Variants in FHIT observed in about 807,000 individuals in gnomAD.
The protein encoded by FHIT is bis(5'-adenosyl)-triphosphatase.
In FHIT, 19 loss-of-function variants were observed where a neutral mutation model predicts 17.9. The observed-to-expected ratio is 1.06, with a 90% CI of 0.74 to 1.56. FHIT has a LOEUF of 1.56. FHIT is among the 40% of genes most tolerant of loss of function. The pLI is 0.00. For synonymous variants in FHIT, 81 were observed against 69.7 expected (o/e 1.16, Z -0.81); for missense variants, 248 against 189.2 (o/e 1.31, Z -1.82).
rs571137576 is a variant in FHIT at position 60,713,325 on chromosome 3, G to A, written c.-18+108594C>T. ...CACTAAATGCCCACAAGAGAAAGCA[G>A]GAAAGATCCAAAATTGACACCCTAA... On this transcript the variant is annotated intron_variant, in intron 4 of 9. Transcript: ENST00000492590. Among the ~76,000 whole-genome samples, 136 of 150,568 alleles carry A rather than the reference G, an allele frequency of 9.0e-4. 1 individual carries two copies. In the Middle Eastern group the frequency reaches 0.014, roughly 15 times the overall value.
intron 5 of FHIT, among the ~76,000 whole-genome samples, chr3:60,303,105 C>A (rs1379639571): frequency 6.6e-6 from 1 of 152,242 alleles, no homozygotes; most frequent in East Asian, 1.9e-4. Context: ...AGACTGACAA[C>A]TGCCAAACCT....
intron 5 of FHIT, among the ~76,000 whole-genome samples, chr3:60,099,949 G>A (rs1233016610): frequency 6.6e-6 from 1 of 152,152 alleles, no homozygotes; most frequent in East Asian, 1.9e-4. Flanking sequence ...CAGTAGAAGT[G>A]CTCCGTAAAT....
chr3:59,978,132 AGC>A (rs1350463486), intron 7 of FHIT, among the ~76,000 whole-genome samples: 1 of 152,122 alleles, frequency 6.6e-6, no homozygotes, highest in East Asian at 1.9e-4. Context: ...TAAAGAAATT[AGC>A]AATAATACTT....
intron 3 of FHIT, among the ~76,000 whole-genome samples, chr3:60,841,157 C>A (rs1298687165): frequency 1.3e-5 from 2 of 152,126 alleles, no homozygotes; most frequent in Admixed American, 6.5e-5. Context: ...CAACAGATTT[C>A]TGAATATTTA....
chr3:60,341,125 T>C (rs1710497355), intron 5 of FHIT, among the ~76,000 whole-genome samples: 1 of 152,138 alleles, frequency 6.6e-6, no homozygotes, highest in African/African-American at 2.4e-5. Context: ...TATTCACGGA[T>C]TTTGTTATAC....
intron 5 of FHIT, among the ~76,000 whole-genome samples, chr3:60,351,316 T>C (rs769294700): frequency 3.9e-5 from 6 of 152,166 alleles, no homozygotes; most frequent in South Asian, 2.1e-4. Flanking sequence ...AAGCAATACA[T>C]TGAATTACAC....
intron 5 of FHIT, among the ~76,000 whole-genome samples, chr3:60,206,595 C>T (rs17062460): frequency 0.024 from 3,633 of 152,204 alleles, 148 homozygotes; most frequent in African/African-American, 0.084. Context: ...AGGGCTGCAC[C>T]AAAACGAATT....
chr3:60,087,841 T>C lies in FHIT; in HGVS notation c.104-73689A>G, dbSNP rs144831779. On this transcript the variant is annotated intron_variant, in intron 5 of 9. Transcript: ENST00000492590. ...CACTTTCCCTTGTCTTTTTTTCTTC[T>C]TCTGAGACCTCCAAACTCTTCCGAC... is the stretch of plus-strand genomic sequence containing the variant. Among the ~76,000 whole-genome samples, 290 of 152,320 alleles carry C rather than the reference T, an allele frequency of 1.9e-3. 5 individuals are homozygous for C. The East Asian group carries it at 0.04, about 21-fold the overall frequency.
chr3:60,025,453 T>A (rs1355508244), intron 5 of FHIT, among the ~76,000 whole-genome samples: 1 of 152,212 alleles, frequency 6.6e-6, no homozygotes, highest in Non-Finnish European at 1.5e-5. Context: ...CACTTTGGCT[T>A]AGAATCTAAT....
intron 5 of FHIT, among the ~76,000 whole-genome samples, chr3:60,406,464 T>C (rs936410983): frequency 6.6e-6 from 1 of 152,204 alleles, no homozygotes; most frequent in African/African-American, 2.4e-5. Context: ...CCACTAATTC[T>C]GTCCTGCTAT....
chr3:59,948,494 G>T (rs983020735), intron 7 of FHIT, among the ~76,000 whole-genome samples: 16 of 151,504 alleles, frequency 1.1e-4, no homozygotes, highest in African/African-American at 3.6e-4. Context: ...TCCAGCCTGG[G>T]CAACAGAGCG....
chr3:59,951,905 C>T (rs1707135520), intron 7 of FHIT, among the ~76,000 whole-genome samples: 1 of 152,176 alleles, frequency 6.6e-6, no homozygotes, highest in Non-Finnish European at 1.5e-5. Flanking sequence ...ACTCAACCAC[C>T]TTGGCTCAAT....
chr3:60,351,793 A>C, intron 5 of FHIT, among the ~76,000 whole-genome samples: 1 of 152,188 alleles, frequency 6.6e-6, no homozygotes, highest in East Asian at 1.9e-4. Flanking sequence ...TTCTCTGCTC[A>C]TATCTTATTT....
chr3:61,020,357 T>C (rs1223946704), intron 3 of FHIT, among the ~76,000 whole-genome samples: 1 of 152,256 alleles, frequency 6.6e-6, no homozygotes, highest in Non-Finnish European at 1.5e-5. Context: ...TGTTTGTTCA[T>C]ATCCTTCACC....
intron 2 of FHIT, among the ~76,000 whole-genome samples, chr3:61,075,708 GATA>G (rs1320052127): frequency 6.6e-6 from 1 of 151,910 alleles, no homozygotes; most frequent in Non-Finnish European, 1.5e-5. Context: ...AATACATTTT[GATA>G]ATAAATAATA....
At chr3:60,650,538 A>G (rs917909558) in intron 4 of FHIT, among the ~76,000 whole-genome samples, 5 of 152,240 alleles carry the variant, frequency 3.3e-5, no homozygotes, top group Admixed American at 6.5e-5. Flanking sequence ...TAATGTTGAA[A>G]TAAATCAGAC....
intron 4 of FHIT, among the ~76,000 whole-genome samples, chr3:60,571,898 T>C (rs1215303458): frequency 6.6e-6 from 1 of 152,232 alleles, no homozygotes; most frequent in East Asian, 1.9e-4. Context: ...GTTTTATTTA[T>C]GGCACAGGAA....
In FHIT at chr3:60,544,359, T is replaced by TA. The variant is rs199865423; in HGVS notation, c.-17-7381dup. On this transcript the variant is annotated intron_variant, in intron 4 of 9. Coordinates refer to ENST00000492590, the MANE Select transcript of FHIT (RefSeq NM_002012.4). ...TTTTCTAAGGGTTGATACCTTTTTTTAAAAAAAATTGGTTTTATGAAATGC... is the reference window on the plus strand; with the variant it reads ...TTTTCTAAGGGTTGATACCTTTTTTTAAAAAAAAATTGGTTTTATGAAATGC... Among the ~76,000 whole-genome samples the TA allele has an allele frequency of 4.1e-3, 629 of 151,870 alleles. 3 individuals carry two copies. Among genetic ancestry groups the TA allele is most frequent in the African/African-American group, 0.014 (579 of 41,458 alleles).
chr3:60,255,407 G>T (rs1185649549), intron 5 of FHIT, among the ~76,000 whole-genome samples: 1 of 152,142 alleles, frequency 6.6e-6, no homozygotes, highest in African/African-American at 2.4e-5. Context: ...GTCTTTAGGG[G>T]CCTGGCAGGT....
Sources: allele counts gnomAD v4.1 joint callset (sites outside exome capture counted in the v4.1 genomes callset), GRCh38; gene constraint gnomAD v4.1.1; transcripts MANE v1.5; gene names NCBI Gene and HGNC (gene_info 2026-07-23, HGNC 2026-07-21).